FAT3: variants seen among roughly 807,000 people sequenced by gnomAD.
The protein encoded by FAT3 is protocadherin Fat 3.
In FAT3, 95 loss-of-function variants were observed where a neutral mutation model predicts 310.2. The observed-to-expected ratio is 0.31, with a 90% CI of 0.26 to 0.36. The LOEUF (loss-of-function observed/expected upper bound fraction) is 0.36. FAT3 is among the 10% of genes least tolerant of loss of function. FAT3 has a pLI of 1.00. For synonymous variants in FAT3, 2,314 were observed against 2,192.9 expected, an observed-to-expected ratio of 1.06 and a Z score of -1.54; for missense variants, 5,408 against 5,715.6, an observed-to-expected ratio of 0.95 and a Z score of 1.74.
At chr11:92,700,572 C>T (rs996226360) in intron 4 of FAT3, among the ~76,000 whole-genome samples, 29 of 152,076 alleles carry the variant, frequency 1.9e-4, no homozygotes, top group African/African-American at 7.0e-4. Flanking sequence ...TAACACAAAT[C>T]CTATCATGAT....
chr11:92,261,598 G>A (rs1865557545), intron 1 of FAT3, among the ~76,000 whole-genome samples: 3 of 152,020 alleles, frequency 2.0e-5, no homozygotes, highest in African/African-American at 7.2e-5. Flanking sequence ...GCTCAGAGTA[G>A]CACAACAAAA....
rs1308846050 is a variant in FAT3 at position 92,442,098 on chromosome 11, TATATA to T, written c.3293-82535_3293-82531del. ...TATATATTTTATATATATATATATA[TATATA>T]TATATATATTTTTTTTTTTTTTTTT... On this transcript the variant is annotated intron_variant, in intron 2 of 27. Coordinates refer to ENST00000525166, the MANE Select transcript of FAT3 (RefSeq NM_001367949.2). 3.1e-3 allele frequency among the ~76,000 whole-genome samples: 161 copies of T among 51,764 alleles called. 5 individuals carry two copies. The highest frequency in any genetic ancestry group is 0.028 in the South Asian group (38 of 1,374). The allele number at this position is 51,764 out of a possible 152,430, so 34.0% of individuals were successfully genotyped here. A position where few individuals can be genotyped will look rare whatever the true frequency, so the allele number is the denominator to read the frequency against.
chr11:92,630,002 G>A (rs888008415), intron 3 of FAT3, among the ~76,000 whole-genome samples: 1 of 152,090 alleles, frequency 6.6e-6, no homozygotes, highest in Non-Finnish European at 1.5e-5. Flanking sequence ...ATTCTGGTGT[G>A]CGCTCAGATA....
chr11:92,644,277 T>C (rs1317508333), intron 3 of FAT3, among the ~76,000 whole-genome samples: 1 of 152,256 alleles, frequency 6.6e-6, no homozygotes, highest in African/African-American at 2.4e-5. Flanking sequence ...CTATCAATTA[T>C]GTTCATGAGT....
rs1475902313 is a variant in FAT3 at position 92,844,298 on chromosome 11, T to A, written c.10931T>A (p.Met3644Lys). ...VVHVEQLVHE[M>K]LQNTVTIRFE... Reference sequence around the variant, plus strand: ...CATGTGGAGCAGTTGGTGCATGAGATGCTGCAGAACACTGTCACCATCCGC... The same window carrying A: ...CATGTGGAGCAGTTGGTGCATGAGAAGCTGCAGAACACTGTCACCATCCGC... The change falls in exon 19 of 28, where the codon ATG becomes AAG. Residue 3644 changes from methionine to lysine, a missense_variant. Transcript: ENST00000525166. 1 of 1,613,850 alleles carries A rather than the reference T, an allele frequency of 6.2e-7. No homozygotes were observed. The highest frequency in any genetic ancestry group is 1.3e-5 in the African/African-American group (1 of 74,936).
At chr11:92,575,266 C>T (rs548901661) in intron 3 of FAT3, among the ~76,000 whole-genome samples, 5 of 152,236 alleles carry the variant, frequency 3.3e-5, no homozygotes, top group East Asian at 1.9e-4. Context: ...ACAATCAATA[C>T]GGTTCTCTTG....
chr11:92,316,482 T>C (rs1426886265), intron 1 of FAT3, among the ~76,000 whole-genome samples: 2 of 152,198 alleles, frequency 1.3e-5, no homozygotes. Context: ...GCCAAAAATA[T>C]ACCCCCAGCT....
rs551102585 is a variant in FAT3, at chr11:92,644,491, C to A, written c.3608-52893C>A. The stretch of plus-strand genomic sequence containing the variant: ...GAAGACACACATACCACCCCGCCCC[C>A]CCGATAACTCTGATCCTTGGCCTTG... On this transcript the variant is annotated intron_variant, in intron 3 of 27. Transcript: ENST00000525166. Among the ~76,000 whole-genome samples, 3 of 152,302 alleles carry A rather than the reference C, an allele frequency of 2.0e-5. No homozygotes were observed. The South Asian group carries it at 6.2e-4, about 32-fold the overall frequency.
rs1948484002 is a variant in FAT3 at position 92,348,811 on chromosome 11, T to C, written c.-17-3285T>C. ...GCTCCTTTGAACCTGTATAATTTCT[T>C]GATTCAGTTTCCTGAAGTAAGATGT... On this transcript the variant is annotated intron_variant, in intron 1 of 27. Transcript: ENST00000525166. Among the ~76,000 whole-genome samples, 3 of 152,184 alleles carry C rather than the reference T, an allele frequency of 2.0e-5. 1 individual carries two copies. In the South Asian group the frequency reaches 6.2e-4, roughly 32 times the overall value.
At chr11:92,770,022 G>A (rs1400524653) in intron 6 of FAT3, among the ~76,000 whole-genome samples, 3 of 152,172 alleles carry the variant, frequency 2.0e-5, no homozygotes, top group Admixed American at 6.5e-5. Context: ...TTTCTCTAGC[G>A]AAAGACTCTT....
intron 5 of FAT3, among the ~76,000 whole-genome samples, chr11:92,763,866 C>T (rs1946229112): frequency 6.6e-6 from 1 of 152,064 alleles, no homozygotes; most frequent in Non-Finnish European, 1.5e-5. Context: ...GACATGTATC[C>T]TCAAGTTTTC....
Position 92,559,514 on chromosome 11 carries a change from A to G in FAT3, c.3607+34566A>G, listed in dbSNP as rs1419431486. ...ATACCCCTGCCTCAGCCTCTTGAGTAGCTGGGACTATAGGCATGCACCGCC... is the reference window on the plus strand; with the variant it reads ...ATACCCCTGCCTCAGCCTCTTGAGTGGCTGGGACTATAGGCATGCACCGCC... On this transcript the variant is annotated intron_variant, in intron 3 of 27. Coordinates refer to ENST00000525166, the MANE Select transcript of FAT3 (RefSeq NM_001367949.2). The G allele has an allele frequency of 2.0e-5, 7 of 357,058 alleles. No individual in the cohort carries two copies. The East Asian group carries it at 6.4e-4, about 33-fold the overall frequency. 22.1% of individuals were successfully genotyped at this position (357,058 alleles called of 1,614,324 possible). A position where few individuals can be genotyped will look rare whatever the true frequency, so the allele number is the denominator to read the frequency against.
chr11:92,395,582 C>CTTTT (rs879447133), intron 2 of FAT3, among the ~76,000 whole-genome samples: 1 of 144,510 alleles, frequency 6.9e-6, no homozygotes, highest in Non-Finnish European at 1.5e-5. Context: ...TTCAGTGTCA[C>CTTTT]TTTTTTTTTT....
chr11:92,452,616 G>C (rs1951390179), intron 2 of FAT3, among the ~76,000 whole-genome samples: 1 of 152,102 alleles, frequency 6.6e-6, no homozygotes. Flanking sequence ...TGGTGCTATT[G>C]TGACCTTATA....
intron 3 of FAT3, among the ~76,000 whole-genome samples, chr11:92,562,120 T>G (rs1051194524): frequency 3.3e-5 from 5 of 152,202 alleles, no homozygotes; most frequent in Non-Finnish European, 5.9e-5. Context: ...CTTTCCTGAC[T>G]TTCCTTAACT....
At chr11:92,331,726 T>G (rs2134540007) in intron 1 of FAT3, among the ~76,000 whole-genome samples, 1 of 152,370 alleles carries the variant, frequency 6.6e-6, no homozygotes, top group African/African-American at 2.4e-5. Flanking sequence ...CAGATTTTCT[T>G]GTTTTTTAAA....
chr11:92,598,991 A>T (rs1478798239), intron 3 of FAT3, among the ~76,000 whole-genome samples: 5 of 152,264 alleles, frequency 3.3e-5, no homozygotes, highest in South Asian at 4.1e-4. Context: ...GCTCCATGCT[A>T]CCCTGCTCTG....
intron 2 of FAT3, among the ~76,000 whole-genome samples, chr11:92,515,151 G>A (rs1293129389): frequency 6.6e-6 from 1 of 152,074 alleles, no homozygotes; most frequent in Non-Finnish European, 1.5e-5. Flanking sequence ...TATATGTCAG[G>A]CAGCCAGAAA....
chr11:92,827,082 T>C (rs1165086508), intron 13 of FAT3, among the ~76,000 whole-genome samples: 1 of 152,218 alleles, frequency 6.6e-6, no homozygotes, highest in Admixed American at 6.5e-5. Flanking sequence ...TAAGTTATTC[T>C]GGCACCTGGT....
Sources: gnomAD v4.1 joint callset for allele counts (sites outside exome capture counted in the v4.1 genomes callset) on GRCh38, gnomAD v4.1.1 for gene constraint, MANE v1.5 for transcripts, NCBI Gene and HGNC (gene_info 2026-07-23, HGNC 2026-07-21) for gene names.